The following MAST2 variants were observed in gnomAD, a reference collection of about 807,000 sequenced individuals.
The protein encoded by MAST2 is microtubule-associated serine/threonine-protein kinase 2.
A neutral mutation model predicts 147.4 loss-of-function variants in MAST2; 70 were observed. The ratio of observed to expected loss-of-function variants is 0.47; its 90% confidence interval spans 0.39 to 0.58. MAST2 has a LOEUF of 0.58. Among genes scored for constraint, MAST2 ranks in the 20% least tolerant of loss-of-function variants. MAST2 has a pLI of 0.00. For synonymous variants in MAST2, 869 were observed against 896.8 expected (o/e 0.97, Z 0.55); for missense variants, 2,080 against 2,302.3 (o/e 0.90, Z 1.98).
At position 46,032,256 on chromosome 1, in the gene MAST2, C is replaced by T; in HGVS notation, c.3266C>T (p.Ser1089Phe). ...TCCAACCCATCATCCCGGGACTCTT[C>T]TCCAAGCAGGGACTTCTTGCCAGCC... ...QSSNPSSRDS[S>F]PSRDFLPALG... Residue 1089 changes from serine (S) to phenylalanine (F), a missense_variant, in exon 25 of 29, where the codon TCT becomes TTT. Physicochemically the swap from Ser to Phe is radical, Grantham distance 155 (BLOSUM62 -2). Around this residue, in one of 4 missense-constraint regions of MAST2, gnomAD observed 1,278 missense variants for 1,304.2 expected, o/e 0.98. Transcript: ENST00000361297. 6.2e-7 allele frequency: 1 copy of T among 1,614,246 alleles called. No individual in the cohort carries two copies. The highest frequency in any genetic ancestry group is 1.1e-5 in the South Asian group (1 of 91,086).
chr1:45,803,837 G>A lies in MAST2; in HGVS notation c.-59G>A. The A allele has an allele frequency of 2.2e-6, 1 of 446,004 alleles. No individual in the cohort carries two copies. The highest frequency in any genetic ancestry group is 3.6e-6 in the Non-Finnish European group (1 of 274,600). 27.6% of individuals were successfully genotyped at this position (446,004 alleles called of 1,614,324 possible). A position where few individuals can be genotyped will look rare whatever the true frequency, so the allele number is the denominator to read the frequency against. On this transcript the variant is annotated 5_prime_UTR_variant, in exon 1 of 29. Coordinates refer to ENST00000361297, the MANE Select transcript of MAST2 (RefSeq NM_015112.3). ...GGTTGGCGCGGCTGCGCTGCGGCCC[G>A]GGGCAGTGCGGAGCCGGGACAGTCG...
chr1:45,828,405 G>T lies in MAST2; in HGVS notation c.326-1034G>T, dbSNP rs548511780. 5.3e-5 allele frequency among the ~76,000 whole-genome samples: 8 copies of T among 152,296 alleles called. No homozygotes were observed. The East Asian group carries it at 1.5e-3, about 29-fold the overall frequency. ...ATTGAAGTTGAGTGAGTGAATAAGTGTGGAAAAGAGTCGAAGGAGATGAGA... is the reference window on the plus strand; with the variant it reads ...ATTGAAGTTGAGTGAGTGAATAAGTTTGGAAAAGAGTCGAAGGAGATGAGA... On this transcript the variant is annotated intron_variant, in intron 2 of 28. Coordinates refer to ENST00000361297, the MANE Select transcript of MAST2 (RefSeq NM_015112.3).
chr1:46,010,996 A>G (rs1359438701), intron 10 of MAST2, 57 bp downstream of exon 10: 2 of 1,448,662 alleles, frequency 1.4e-6, no homozygotes, highest in African/African-American at 2.8e-5. Flanking sequence ...TGGATTTGTA[A>G]TCCCAAGCTA....
chr1:45,865,604 C>G (rs1646120242), intron 3 of MAST2, among the ~76,000 whole-genome samples: 1 of 152,150 alleles, frequency 6.6e-6, no homozygotes, highest in South Asian at 2.1e-4. Flanking sequence ...TATTGTCTGT[C>G]TGTGTTGTCT....
intron 4 of MAST2, among the ~76,000 whole-genome samples, chr1:45,939,533 ATT>A (rs143649147): frequency 3.6e-4 from 50 of 140,554 alleles, no homozygotes; most frequent in South Asian, 1.4e-3. Flanking sequence ...CAATTTTTCA[ATT>A]TTTTTTTGGG....
chr1:45,974,813 C>T (rs1280844221), intron 5 of MAST2, among the ~76,000 whole-genome samples: 1 of 152,128 alleles, frequency 6.6e-6, no homozygotes, highest in Admixed American at 6.5e-5. Context: ...TGAAACTTCT[C>T]AGGCTAGGAT....
intron 4 of MAST2, among the ~76,000 whole-genome samples, chr1:45,941,758 C>A (rs1318472783): frequency 3.3e-5 from 5 of 152,162 alleles, no homozygotes; most frequent in Non-Finnish European, 7.3e-5. Flanking sequence ...TAGAAGCCAA[C>A]ATACTTGCCT....
intron 3 of MAST2, among the ~76,000 whole-genome samples, chr1:45,830,711 G>A (rs1644929057): frequency 6.6e-6 from 1 of 151,528 alleles, no homozygotes; most frequent in Non-Finnish European, 1.5e-5. Context: ...GGCACATCAT[G>A]GGTACTTAAA....
Position 46,033,953 on chromosome 1 carries a change from G to A in MAST2, c.3674+15G>A. Reference sequence around the variant, plus strand: ...GGGCAAGAAAGGTGAGCCAGGCGCAGTGAAGAGGGTTTTCTCTGAGCCACA... The same window carrying A: ...GGGCAAGAAAGGTGAGCCAGGCGCAATGAAGAGGGTTTTCTCTGAGCCACA... On this transcript the variant is annotated intron_variant, in intron 27 of 28. Transcript: ENST00000361297. 1 of 1,613,796 alleles carries A rather than the reference G, an allele frequency of 6.2e-7. No individual in the cohort carries two copies. Among genetic ancestry groups the A allele is most frequent in the Non-Finnish European group, 8.5e-7 (1 of 1,179,712 alleles).
chr1:45,937,481 G>A (rs904900449), intron 4 of MAST2, among the ~76,000 whole-genome samples: 10 of 151,926 alleles, frequency 6.6e-5, no homozygotes, highest in Non-Finnish European at 1.5e-4. Flanking sequence ...TGGGTACGGT[G>A]GCTTACGCCT....
At chr1:46,032,968 TA>T (rs1646739814) in intron 26 of MAST2, among the ~76,000 whole-genome samples, 1 of 81,852 alleles carries the variant, frequency 1.2e-5, no homozygotes, top group Non-Finnish European at 2.4e-5. Context: ...CTGCCTCTAC[TA>T]AAAATACAAA....
intron 4 of MAST2, among the ~76,000 whole-genome samples, chr1:45,889,120 C>T (rs1647273358): frequency 6.6e-6 from 1 of 152,144 alleles, no homozygotes; most frequent in Admixed American, 6.5e-5. Context: ...AACTATCATA[C>T]AATAGCCAGG....
chr1:45,815,516 G>T lies in MAST2; in HGVS notation c.178-8917G>T, dbSNP rs573039613. Among the ~76,000 whole-genome samples the T allele has an allele frequency of 2.6e-5, 4 of 152,150 alleles. No individual in the cohort carries two copies. The East Asian group carries it at 7.7e-4, about 29-fold the overall frequency. The stretch of plus-strand genomic sequence containing the variant: ...TTCAGGAATGTTTTGAAAAGCAGAG[G>T]ATTTAGAAATAGTTGTTAATAGTTT... On this transcript the variant is annotated intron_variant, in intron 1 of 28. Coordinates refer to ENST00000361297, the MANE Select transcript of MAST2 (RefSeq NM_015112.3).
intron 11 of MAST2, among the ~76,000 whole-genome samples, chr1:46,020,007 CCTT>C (rs1315253549): frequency 6.6e-6 from 1 of 152,076 alleles, no homozygotes; most frequent in African/African-American, 2.4e-5. Context: ...CAAGTTGAGT[CCTT>C]CATTTTATCT....
chr1:45,849,548 A>T (rs1365102372), intron 3 of MAST2, among the ~76,000 whole-genome samples: 2 of 143,386 alleles, frequency 1.4e-5, no homozygotes, highest in Non-Finnish European at 3.0e-5. Context: ...TTTTTTTGAG[A>T]TGGAGTCTCT....
intron 1 of MAST2, among the ~76,000 whole-genome samples, chr1:45,811,166 C>CTTT (rs375439362): frequency 7.8e-6 from 1 of 127,892 alleles, no homozygotes; most frequent in Non-Finnish European, 1.7e-5. Context: ...CAGTATATTT[C>CTTT]TTTTTTTTTT....
chr1:45,921,077 G>T (rs1356001521), intron 4 of MAST2, among the ~76,000 whole-genome samples: 1 of 152,122 alleles, frequency 6.6e-6, no homozygotes, highest in Non-Finnish European at 1.5e-5. Flanking sequence ...CTCACTGCAA[G>T]CTCCATCTCC....
chr1:45,833,572 A>G (rs985578738), intron 3 of MAST2, among the ~76,000 whole-genome samples: 3 of 152,140 alleles, frequency 2.0e-5, no homozygotes, highest in Non-Finnish European at 4.4e-5. Context: ...GTCATATGAT[A>G]ACTGTATTTA....
intron 21 of MAST2, 128 bp downstream of exon 21, chr1:46,030,366 T>C: frequency 1.0e-6 from 1 of 976,260 alleles, no homozygotes; most frequent in Non-Finnish European, 1.5e-6. Flanking sequence ...AAAGAGGAGC[T>C]AAGGGTTGGG....
Sources: gnomAD v4.1 joint callset for allele counts (sites outside exome capture counted in the v4.1 genomes callset) on GRCh38, gnomAD v4.1.1 for gene constraint, gnomAD v4.1.1 regional missense constraint, MANE v1.5 for transcripts, NCBI Gene and HGNC (gene_info 2026-07-23, HGNC 2026-07-21) for gene names.